The following PSMG2 variants were observed in gnomAD, a reference collection of about 807,000 sequenced individuals.
The protein encoded by PSMG2 is proteasome assembly chaperone 2, also known as CD40 ligand-activated specific transcript 3.
PSMG2 carries 21 observed loss-of-function variants against 31.5 expected under a neutral mutation model. That is an observed-to-expected ratio of 0.67 (90% CI 0.47 to 0.96). The LOEUF (loss-of-function observed/expected upper bound fraction) is 0.96. Ranked by LOEUF, PSMG2 falls within the 40% of genes least tolerant of loss-of-function variation. PSMG2 has a pLI of 0.00. For synonymous variants in PSMG2, 120 were observed against 110.4 expected, an observed-to-expected ratio of 1.09 and a Z score of -0.54; for missense variants, 318 against 321.2, an observed-to-expected ratio of 0.99 and a Z score of 0.08.
Position 12,718,583 on chromosome 18 carries a change from A to G in PSMG2, c.355A>G (p.Ile119Val), listed in dbSNP as rs752461828. 3 of 1,612,452 alleles carry G rather than the reference A, an allele frequency of 1.9e-6. No individual in the cohort carries two copies. Among genetic ancestry groups the G allele is most frequent in the South Asian group, 1.1e-5 (1 of 90,870 alleles). The stretch of plus-strand genomic sequence containing the variant: ...GAAAAGCAGTGGCTGTGCCAGAGTC[A>G]TTGTTCTTTCAAGCAGTCATTCATA... ...WVKSSGCARV[I>V]VLSSSHSYQR... The change falls in exon 4 of 7, where the codon ATT becomes GTT. Residue 119 changes from isoleucine to valine, a missense_variant. By Grantham distance (29) the Ile-to-Val change is conservative. Coordinates refer to ENST00000317615, the MANE Select transcript of PSMG2 (RefSeq NM_020232.5).
At chr18:12,711,034 A>C (rs1475906787) in intron 2 of PSMG2, among the ~76,000 whole-genome samples, 2 of 151,880 alleles carry the variant, frequency 1.3e-5, no homozygotes, top group African/African-American at 2.4e-5. Flanking sequence ...CAGGAGGTAG[A>C]GGTTGCAGTG....
At position 12,660,074 on chromosome 18, in the gene PSMG2, A is replaced by G. The variant is rs936100706; in HGVS notation, c.-37+1301A>G. On this transcript the variant is annotated intron_variant, in intron 1 of 6. Transcript: ENST00000585331. ...CTTATGGGATACTGCTGCCCATTGC[A>G]CTTGGACAACTACAGCCAAACACAT... Among the ~76,000 whole-genome samples the G allele has an allele frequency of 3.9e-5, 6 of 152,324 alleles. No homozygotes were observed. The South Asian group carries it at 1.0e-3, about 26-fold the overall frequency.
At chr18:12,709,456 A>G (rs2040306536) in intron 2 of PSMG2, among the ~76,000 whole-genome samples, 1 of 151,070 alleles carries the variant, frequency 6.6e-6, no homozygotes, top group South Asian at 2.1e-4. Flanking sequence ...CCTCCCAAGA[A>G]GCTGGGATTG....
At chr18:12,666,679 A>G (rs1945442313) in intron 1 of PSMG2, among the ~76,000 whole-genome samples, 1 of 149,806 alleles carries the variant, frequency 6.7e-6, no homozygotes. Flanking sequence ...CGAACTCCTC[A>G]CTCAATTGAT....
chr18:12,715,484 G>T (rs565031510), intron 3 of PSMG2, among the ~76,000 whole-genome samples: 2 of 152,158 alleles, frequency 1.3e-5, no homozygotes, highest in Admixed American at 6.5e-5. Context: ...TAGTGACATG[G>T]TTAACTGCAT....
At chr18:12,683,900 AAAG>A (rs1375980639) in intron 1 of PSMG2, among the ~76,000 whole-genome samples, 2 of 151,886 alleles carry the variant, frequency 1.3e-5, no homozygotes, top group East Asian at 1.9e-4. Context: ...AAAAATATAA[AAAG>A]AAATAATAAA....
intron 1 of PSMG2, among the ~76,000 whole-genome samples, chr18:12,665,582 CCTT>C (rs1250645848): frequency 3.9e-5 from 6 of 152,152 alleles, no homozygotes; most frequent in Non-Finnish European, 8.8e-5. Flanking sequence ...GCAATCTAAT[CCTT>C]CTTAAGAGAT....
At chr18:12,678,827 G>A (rs1441417798) in intron 1 of PSMG2, among the ~76,000 whole-genome samples, 10 of 152,130 alleles carry the variant, frequency 6.6e-5, no homozygotes, top group East Asian at 1.9e-4. Flanking sequence ...ATGGGAGCAC[G>A]TGCCTGTAGT....
intron 1 of PSMG2, among the ~76,000 whole-genome samples, chr18:12,669,632 T>C (rs1384721519): frequency 1.3e-5 from 2 of 152,176 alleles, no homozygotes; most frequent in African/African-American, 4.8e-5. Flanking sequence ...AGACATTATG[T>C]TTTTTAAACT....
At chr18:12,676,563 C>T (rs967712398) in intron 1 of PSMG2, among the ~76,000 whole-genome samples, 3 of 152,130 alleles carry the variant, frequency 2.0e-5, no homozygotes, top group Middle Eastern at 3.4e-3. Context: ...GCGTGAGACA[C>T]TGTGCCTGGC....
At chr18:12,698,959 A>T (rs1243308998), upstream of PSMG2, 1 of 1,500,650 alleles carries the variant, frequency 6.7e-7, no homozygotes, top group Admixed American at 1.9e-5. Context: ...ATTAAATGAC[A>T]ATTTATTACT....
At chr18:12,694,235 A>G (rs2039869828) in intron 1 of PSMG2, among the ~76,000 whole-genome samples, 1 of 152,232 alleles carries the variant, frequency 6.6e-6, no homozygotes, top group African/African-American at 2.4e-5. Flanking sequence ...AAAAAAGTTT[A>G]AAGAAAACAG....
intron 1 of PSMG2, chr18:12,680,809 G>C: frequency 6.2e-7 from 1 of 1,610,534 alleles, no homozygotes; most frequent in Non-Finnish European, 8.5e-7. Context: ...CAGAAGGTTA[G>C]CGTGATCTTC....
chr18:12,711,750 CTTTT>C (rs34631690), intron 2 of PSMG2, among the ~76,000 whole-genome samples: 1 of 97,572 alleles, frequency 1.0e-5, no homozygotes, highest in Admixed American at 1.3e-4. Context: ...GCTTCTCATT[CTTTT>C]TTTTTTTTTT....
chr18:12,699,148 A>C, upstream of PSMG2: 1 of 1,614,152 alleles, frequency 6.2e-7, no homozygotes, highest in Non-Finnish European at 8.5e-7. Context: ...GTTCCAAGAA[A>C]GCTTTTCCAC....
intron 1 of PSMG2, among the ~76,000 whole-genome samples, chr18:12,669,022 AC>A (rs2038870642): frequency 1.4e-5 from 1 of 70,834 alleles, no homozygotes; most frequent in African/African-American, 6.0e-5. Context: ...GAGCTACCGC[AC>A]CCCCCGCACT....
chr18:12,683,903 G>T (rs1166033699), intron 1 of PSMG2, among the ~76,000 whole-genome samples: 1 of 151,290 alleles, frequency 6.6e-6, no homozygotes, highest in Non-Finnish European at 1.5e-5. Context: ...AATATAAAAA[G>T]AAATAATAAA....
At chr18:12,699,976 A>G, upstream of PSMG2, 2 of 1,010,278 alleles carry the variant, frequency 2.0e-6, no homozygotes, top group South Asian at 1.7e-5. Context: ...GTCAATAAAC[A>G]TGACTAAGCA....
chr18:12,665,912 G>T (rs1054110354), intron 1 of PSMG2, among the ~76,000 whole-genome samples: 4 of 152,128 alleles, frequency 2.6e-5, no homozygotes, highest in Non-Finnish European at 2.9e-5. Context: ...GGCCAGGCTG[G>T]TCTTGAACGC....
Sources: gnomAD v4.1 joint callset for allele counts (sites outside exome capture counted in the v4.1 genomes callset) on GRCh38, gnomAD v4.1.1 for gene constraint, MANE v1.5 for transcripts, NCBI Gene and HGNC (gene_info 2026-07-23, HGNC 2026-07-21) for gene names.